Variants in FARP1 observed in about 807,000 individuals in gnomAD.
FARP1 encodes FERM, ARHGEF and pleckstrin domain-containing protein 1.
In FARP1, 52 loss-of-function variants were observed where a neutral mutation model predicts 128.8. That is an observed-to-expected ratio of 0.40 (90% CI 0.32 to 0.51). The LOEUF (loss-of-function observed/expected upper bound fraction) is 0.51, where lower values mean the gene tolerates loss of function less well. Among genes scored for constraint, FARP1 ranks in the 20% least tolerant of loss-of-function variants. FARP1 has a pLI of 0.45. For missense variants in FARP1, 1,333 were observed against 1,367.9 expected, an observed-to-expected ratio of 0.97 and a Z score of 0.40; for synonymous variants, 580 against 551.8, an observed-to-expected ratio of 1.05 and a Z score of -0.72.
At chr13:98,394,525 G>T (rs1430835993) in intron 12 of FARP1, among the ~76,000 whole-genome samples, 1 of 152,222 alleles carries the variant, frequency 6.6e-6, no homozygotes, top group Non-Finnish European at 1.5e-5. Context: ...ACATGAGCAG[G>T]ACGTGGTGGC....
chr13:98,450,059 T>TAC lies in FARP1; in HGVS notation c.*1743_*1744dup, dbSNP rs1384259338. 6.6e-6 allele frequency: 1 copy of TAC among 152,166 alleles called. No individual in the cohort carries two copies. Among genetic ancestry groups the TAC allele is most frequent in the East Asian group, 1.9e-4 (1 of 5,194 alleles). 9.4% of individuals were successfully genotyped at this position (152,166 alleles called of 1,614,324 possible). On this transcript the variant is annotated 3_prime_UTR_variant, in exon 27 of 27. Transcript: ENST00000319562. The stretch of plus-strand genomic sequence containing the variant: ...TCTGAATGATTGATTGATTCCAAAC[T>TAC]ACTTGCTGGACACTGGTGGTTCTGA...
At chr13:98,424,747 A>G (rs1347190731) in intron 17 of FARP1, 97 bp downstream of exon 17, 1 of 824,162 alleles carries the variant, frequency 1.2e-6, no homozygotes, top group Admixed American at 1.9e-5. Context: ...ATCAGCATGC[A>G]TCACCTGATT....
Position 98,357,880 on chromosome 13 carries a change from G to A in FARP1, c.277-7515G>A, listed in dbSNP as rs867868244. On this transcript the variant is annotated intron_variant, in intron 3 of 26. Coordinates refer to ENST00000319562, the MANE Select transcript of FARP1 (RefSeq NM_005766.4). ...AAGCGATTTGATCCTTTTGGATTTG[G>A]TTTTTAAGACTTGTTAGCCTGGACA... Among the ~76,000 whole-genome samples, 6 of 152,210 alleles carry A rather than the reference G, an allele frequency of 3.9e-5. 1 individual carries two copies. In the Middle Eastern group the frequency reaches 0.014, roughly 345 times the overall value.
intron 1 of FARP1, among the ~76,000 whole-genome samples, chr13:98,195,519 A>C (rs1879517145): frequency 6.6e-6 from 1 of 152,116 alleles, no homozygotes; most frequent in Admixed American, 6.5e-5. Context: ...GTTTAGTTCT[A>C]ACCCAGACTT....
intron 1 of FARP1, among the ~76,000 whole-genome samples, chr13:98,164,372 A>C (rs569117839): frequency 6.6e-6 from 1 of 152,332 alleles, no homozygotes; most frequent in African/African-American, 2.4e-5. Flanking sequence ...AGGACATTTT[A>C]GTTCTAGTCT....
At chr13:98,143,067 C>T (rs1166637616), upstream of FARP1, 1 of 148,058 alleles carries the variant, frequency 6.8e-6, no homozygotes, top group Admixed American at 6.7e-5. Flanking sequence ...GGGGCCGGCC[C>T]AGACCCGGGG....
intron 2 of FARP1, among the ~76,000 whole-genome samples, chr13:98,262,083 T>C (rs1336943094): frequency 6.7e-6 from 1 of 148,318 alleles, no homozygotes; most frequent in Non-Finnish European, 1.5e-5. Flanking sequence ...TGGTGTGATC[T>C]CAGCTCACTG....
chr13:98,390,789 C>T (rs774434817), intron 10 of FARP1, 23 bp from the exon 11 acceptor site: 1 of 1,587,106 alleles, frequency 6.3e-7, no homozygotes, highest in South Asian at 1.1e-5. Flanking sequence ...TTCTCCCCTT[C>T]CCTGTTGTGG....
In FARP1 at chr13:98,440,840, C is replaced by T. The variant is rs2146998; in HGVS notation, c.2796+4C>T. ...GGACTTCAGCATCGCAGTGGAGGTA[C>T]GCAGGGGCAGGGCAGCTCTGGTTCC... On this transcript the variant is annotated splice_donor_region_variant and intron_variant, in intron 24 of 26. Transcript: ENST00000319562. 421 of 1,596,118 alleles carry T rather than the reference C, an allele frequency of 2.6e-4. No homozygotes were observed. In the African/African-American group the frequency reaches 4.2e-3, roughly 16 times the overall value.
intron 2 of FARP1, among the ~76,000 whole-genome samples, chr13:98,276,368 A>G (rs1884653910): frequency 6.6e-6 from 1 of 152,224 alleles, no homozygotes. Flanking sequence ...TTTGGGCAAT[A>G]TGGTCTACTC....
upstream of FARP1, chr13:98,142,714 C>G (rs1333074868): frequency 1.3e-5 from 2 of 152,520 alleles, no homozygotes; most frequent in Non-Finnish European, 2.9e-5. Flanking sequence ...CTGCAGAGTC[C>G]GAGCCCCTGA....
intron 2 of FARP1, among the ~76,000 whole-genome samples, chr13:98,340,070 C>T (rs7997059): frequency 0.053 from 8,013 of 150,832 alleles, 727 homozygotes; most frequent in African/African-American, 0.19. Flanking sequence ...AAGACATCCA[C>T]TGTATATTAG....
chr13:98,314,774 T>C (rs1886650128), intron 2 of FARP1, among the ~76,000 whole-genome samples: 1 of 152,192 alleles, frequency 6.6e-6, no homozygotes, highest in African/African-American at 2.4e-5. Flanking sequence ...AACCCAGCTC[T>C]TGTGGTCCTG....
chr13:98,236,856 G>A (rs963689160), intron 2 of FARP1, among the ~76,000 whole-genome samples: 19 of 152,076 alleles, frequency 1.2e-4, no homozygotes, highest in African/African-American at 4.3e-4. Context: ...GCCAGGCGTG[G>A]TGGCACACGC....
intron 5 of FARP1, among the ~76,000 whole-genome samples, chr13:98,376,428 A>G (rs1250988145): frequency 6.6e-6 from 1 of 152,174 alleles, no homozygotes; most frequent in Non-Finnish European, 1.5e-5. Context: ...TCCAGTTCCA[A>G]TCATGCTGTG....
At chr13:98,435,310 A>G in intron 18 of FARP1, 1 of 274,800 alleles carries the variant, frequency 3.6e-6, no homozygotes, top group Non-Finnish European at 6.8e-6. Flanking sequence ...CTAAGCCAAC[A>G]GGTCCGTCTA....
Position 98,413,287 on chromosome 13 carries a change from G to C in FARP1, c.1826+1253G>C, listed in dbSNP as rs1891257877. 2.6e-5 allele frequency among the ~76,000 whole-genome samples: 4 copies of C among 152,210 alleles called. No individual in the cohort carries two copies. In the East Asian group the frequency reaches 7.7e-4, roughly 29 times the overall value. On this transcript the variant is annotated intron_variant, in intron 16 of 26. Transcript: ENST00000319562. Reference sequence around the variant, plus strand: ...AATAGGTACAAAGTCAGCCTCGCTGGAAATGGGAAAAATTGAAAATGCCAC... The same window carrying C: ...AATAGGTACAAAGTCAGCCTCGCTGCAAATGGGAAAAATTGAAAATGCCAC...
At chr13:98,409,926 G>A (rs569941771) in intron 14 of FARP1, among the ~76,000 whole-genome samples, 54 of 152,348 alleles carry the variant, frequency 3.5e-4, no homozygotes, top group African/African-American at 1.2e-3. Context: ...TAGCATGGGT[G>A]AGAATTGCCT....
In FARP1 at chr13:98,453,290, T is replaced by C; in HGVS notation, c.*4973T>C. On this transcript the variant is annotated 3_prime_UTR_variant, in exon 27 of 27. Transcript: ENST00000319562. The stretch of plus-strand genomic sequence containing the variant: ...AAAATTCATATAGTAACCAAAATCT[T>C]AGTTTTCATAAGAAATTCCAAGTCA... 1.4e-6 allele frequency: 2 copies of C among 1,414,722 alleles called. No homozygotes were observed. The highest frequency in any genetic ancestry group is 1.9e-6 in the Non-Finnish European group (2 of 1,031,036). The allele number at this position is 1,414,722 out of a possible 1,614,324, so 87.6% of individuals were successfully genotyped here.
Sources: gnomAD v4.1 joint callset for allele counts (sites outside exome capture counted in the v4.1 genomes callset) on GRCh38, gnomAD v4.1.1 for gene constraint, MANE v1.5 for transcripts, NCBI Gene and HGNC (gene_info 2026-07-23, HGNC 2026-07-21) for gene names.